SLC25A26: variants seen among roughly 807,000 people sequenced by gnomAD.
The protein encoded by SLC25A26 is mitochondrial S-adenosylmethionine carrier protein.
SLC25A26 carries 36 observed loss-of-function variants against 37.8 expected under a neutral mutation model. The ratio of observed to expected loss-of-function variants is 0.95; its 90% CI spans 0.73 to 1.26. SLC25A26 has a LOEUF of 1.26. Ranked by LOEUF, SLC25A26 falls within the 50% of genes most tolerant of loss-of-function variation. The pLI is 0.00. For synonymous variants in SLC25A26, 129 were observed against 122.5 expected (o/e 1.05, Z -0.35); for missense variants, 390 against 331.1 (o/e 1.18, Z -1.38).
intron 5 of SLC25A26, among the ~76,000 whole-genome samples, chr3:66,314,123 CTGATTGTCCTG>C (rs2075463045): frequency 6.6e-6 from 1 of 152,100 alleles, no homozygotes; most frequent in Non-Finnish European, 1.5e-5. Flanking sequence ...TTTCTCTTGC[CTGATTGTCCTG>C]GCCAGAACTT....
chr3:66,176,197 C>T (rs1375604951), intron 1 of SLC25A26, among the ~76,000 whole-genome samples: 1 of 152,072 alleles, frequency 6.6e-6, no homozygotes, highest in Non-Finnish European at 1.5e-5. Context: ...GTATGGAGTA[C>T]AAGAATAAGC....
At chr3:66,243,811 C>T (rs2072700165) in intron 3 of SLC25A26, among the ~76,000 whole-genome samples, 1 of 152,220 alleles carries the variant, frequency 6.6e-6, no homozygotes, top group African/African-American at 2.4e-5. Flanking sequence ...ACTGACTTGG[C>T]TGTATCACCA....
chr3:66,252,327 G>A (rs550064814), intron 3 of SLC25A26, among the ~76,000 whole-genome samples: 7 of 152,318 alleles, frequency 4.6e-5, no homozygotes, highest in East Asian at 3.9e-4. Flanking sequence ...AAGAGACACC[G>A]AATAAGAAAT....
Position 66,243,253 on chromosome 3 carries a change from G to C in SLC25A26, c.241G>C (p.Asp81His). 1 of 1,609,946 alleles carries C rather than the reference G, an allele frequency of 6.2e-7. No individual in the cohort carries two copies. Among genetic ancestry groups the C allele is most frequent in the Non-Finnish European group, 8.5e-7 (1 of 1,177,542 alleles). ...ATATGTGAAGTGGTTTTTGCATGCT[G>C]ATTCATCTTCATATTTGACACCTAT... ...YEYVKWFLHA[D>H]SSSYLTPMKH... Residue 81 changes from aspartate (D) to histidine (H), a missense_variant, in exon 3 of 10, where the codon GAT becomes CAT. Asp to His is a moderately conservative substitution (Grantham distance 81). Coordinates refer to ENST00000354883, the MANE Select transcript of SLC25A26 (RefSeq NM_001379210.1).
Position 66,241,187 on chromosome 3 carries a change from G to A in SLC25A26, c.191-2016G>A, listed in dbSNP as rs191772091. Among the ~76,000 whole-genome samples the A allele has an allele frequency of 2.6e-4, 39 of 152,036 alleles. No individual in the cohort carries two copies. The East Asian group carries it at 5.2e-3, about 20-fold the overall frequency. ...TAAGTGGACCTGTGCGTTTAAACCC[G>A]TGTTCAAGGATCACCTGTACTGCTG... On this transcript the variant is annotated intron_variant, in intron 2 of 9. Coordinates refer to ENST00000354883, the MANE Select transcript of SLC25A26 (RefSeq NM_001379210.1).
intron 1 of SLC25A26, among the ~76,000 whole-genome samples, chr3:66,143,906 T>C (rs902994594): frequency 6.6e-6 from 1 of 151,994 alleles, no homozygotes; most frequent in Non-Finnish European, 1.5e-5. Context: ...AACTTTAAGA[T>C]GAGAACAGCA....
intron 5 of SLC25A26, among the ~76,000 whole-genome samples, chr3:66,339,136 C>T (rs1380621506): frequency 6.6e-6 from 1 of 151,874 alleles, no homozygotes; most frequent in East Asian, 1.9e-4. Flanking sequence ...TTTAAGGAAC[C>T]ATCAAATTGT....
At chr3:66,365,427 G>T (rs755306634) in intron 7 of SLC25A26, among the ~76,000 whole-genome samples, 1 of 152,162 alleles carries the variant, frequency 6.6e-6, no homozygotes, top group African/African-American at 2.4e-5. Context: ...GCTTCTGGTC[G>T]GGGTGAAACT....
intron 5 of SLC25A26, among the ~76,000 whole-genome samples, chr3:66,329,430 GCAA>G (rs2075917181): frequency 1.3e-5 from 2 of 152,288 alleles, no homozygotes; most frequent in Non-Finnish European, 2.9e-5. Flanking sequence ...TACCCCAGGA[GCAA>G]GTTGGAGTGT....
At position 66,222,051 on chromosome 3, in the gene SLC25A26, G is replaced by A. The variant is rs138162516; in HGVS notation, c.33+924G>A. ...TTGGGATAAATAACAGGTGGGCTAG[G>A]TTCAGGGTGTTAGGGGAATATATGG... On this transcript the variant is annotated intron_variant, in intron 1 of 9. Coordinates refer to ENST00000354883, the MANE Select transcript of SLC25A26 (RefSeq NM_001379210.1). Among the ~76,000 whole-genome samples the A allele has an allele frequency of 5.1e-3, 780 of 152,184 alleles. 4 individuals are homozygous for A. The highest frequency in any genetic ancestry group is 0.017 in the East Asian group (90 of 5,188).
At chr3:66,239,557 A>G (rs1026094346) in intron 2 of SLC25A26, among the ~76,000 whole-genome samples, 1 of 152,208 alleles carries the variant, frequency 6.6e-6, no homozygotes, top group East Asian at 1.9e-4. Flanking sequence ...TTTTTCTAAA[A>G]TTATCAAACC....
chr3:66,281,921 C>G (rs1213522653), intron 5 of SLC25A26, among the ~76,000 whole-genome samples: 1 of 147,978 alleles, frequency 6.8e-6, no homozygotes, highest in Non-Finnish European at 1.5e-5. Flanking sequence ...CTCCCAGGTT[C>G]AAGCGATTTT....
chr3:66,144,481 G>T (rs769623056), intron 1 of SLC25A26, among the ~76,000 whole-genome samples: 1 of 152,152 alleles, frequency 6.6e-6, no homozygotes, highest in Non-Finnish European at 1.5e-5. Context: ...TGCCCACTGG[G>T]TACAATTTAT....
intron 5 of SLC25A26, among the ~76,000 whole-genome samples, chr3:66,303,036 C>G (rs866808145): frequency 6.6e-6 from 1 of 152,132 alleles, no homozygotes; most frequent in African/African-American, 2.4e-5. Context: ...CCACTAGATA[C>G]CAGGAGCACC....
intron 9 of SLC25A26, chr3:66,371,546 T>G (rs1249545761): frequency 1.7e-6 from 2 of 1,197,346 alleles, no homozygotes; most frequent in Non-Finnish European, 1.1e-6. Context: ...GGATTGACGT[T>G]GGGGGTGTGA....
At chr3:66,183,553 C>T (rs1029467713) in intron 1 of SLC25A26, among the ~76,000 whole-genome samples, 10 of 152,122 alleles carry the variant, frequency 6.6e-5, no homozygotes, top group Admixed American at 5.2e-4. Context: ...TGACCTTTAT[C>T]GTGATGTTGA....
At chr3:66,147,080 TC>T (rs2070127342) in intron 1 of SLC25A26, among the ~76,000 whole-genome samples, 1 of 2,502 alleles carries the variant, frequency 4.0e-4, no homozygotes, top group Non-Finnish European at 7.6e-4. Flanking sequence ...TTCCCTTCCC[TC>T]CCCTCCCCTC....
chr3:66,157,410 T>A (rs1342777200), intron 1 of SLC25A26, among the ~76,000 whole-genome samples: 2 of 152,216 alleles, frequency 1.3e-5, no homozygotes, highest in Non-Finnish European at 2.9e-5. Flanking sequence ...GGCAACACAG[T>A]GAGACTCCAT....
At chr3:66,272,678 G>C (rs573070006) in intron 5 of SLC25A26, among the ~76,000 whole-genome samples, 2 of 152,178 alleles carry the variant, frequency 1.3e-5, no homozygotes, top group East Asian at 3.9e-4. Flanking sequence ...TGTTACCTTT[G>C]CATGCACTGA....
Sources: allele counts gnomAD v4.1 joint callset (sites outside exome capture counted in the v4.1 genomes callset), GRCh38; gene constraint gnomAD v4.1.1; transcripts MANE v1.5; gene names NCBI Gene and HGNC (gene_info 2026-07-23, HGNC 2026-07-21).